The following STK4 variants were observed in gnomAD, a reference collection of about 807,000 sequenced individuals.
STK4 encodes serine/threonine-protein kinase 4.
In STK4, 30 loss-of-function variants were observed where a neutral mutation model predicts 64.9. That is an observed-to-expected ratio of 0.46 (90% CI 0.35 to 0.63). STK4 has a LOEUF of 0.63. Among genes scored for constraint, STK4 ranks in the 20% least tolerant of loss-of-function variants. STK4 has a pLI of 0.01. For synonymous variants in STK4, 177 were observed against 199.0 expected, an observed-to-expected ratio of 0.89 and a Z score of 0.93; for missense variants, 466 against 598.5, an observed-to-expected ratio of 0.78 and a Z score of 2.31.
intron 9 of STK4, 84 bp downstream of exon 9, chr20:45,001,437 T>C: frequency 8.2e-6 from 12 of 1,458,486 alleles, no homozygotes; most frequent in Non-Finnish European, 1.1e-5. Flanking sequence ...TCATGCAGGC[T>C]TAGCCTTGGG....
At chr20:45,055,407 A>G (rs145321948) in intron 10 of STK4, among the ~76,000 whole-genome samples, 39 of 152,206 alleles carry the variant, frequency 2.6e-4, no homozygotes, top group Non-Finnish European at 5.0e-4. Flanking sequence ...TTAAAAATTT[A>G]TTGGCATCAA....
chr20:44,993,128 C>A (rs1386873132), intron 5 of STK4, among the ~76,000 whole-genome samples: 3 of 151,330 alleles, frequency 2.0e-5, no homozygotes, highest in Non-Finnish European at 4.4e-5. Flanking sequence ...ACTAGATTCC[C>A]AGTGCTTTTT....
chr20:44,979,168 T>C (rs1568684516), intron 3 of STK4, among the ~76,000 whole-genome samples: 1 of 152,098 alleles, frequency 6.6e-6, no homozygotes, highest in Non-Finnish European at 1.5e-5. Context: ...GGTGCTTGCT[T>C]TTTTTTGTGT....
chr20:45,035,184 T>TAA (rs976278657), intron 10 of STK4, among the ~76,000 whole-genome samples: 1 of 151,936 alleles, frequency 6.6e-6, no homozygotes. Flanking sequence ...GCTGCATAGA[T>TAA]AAAAAAAGAC....
At chr20:45,050,556 C>T (rs770360919) in intron 10 of STK4, among the ~76,000 whole-genome samples, 20 of 152,040 alleles carry the variant, frequency 1.3e-4, no homozygotes, top group Non-Finnish European at 2.2e-4. Flanking sequence ...ATTTCCCTAT[C>T]GTTTTTGGTA....
At chr20:44,987,064 A>AT in intron 4 of STK4, 68 bp from the exon 5 acceptor site, 7 of 1,357,426 alleles carry the variant, frequency 5.2e-6, no homozygotes, top group South Asian at 4.2e-5. Flanking sequence ...TTTGGATCTG[A>AT]TTTTTTCTCC....
At chr20:44,982,326 T>C (rs6031905) in intron 4 of STK4, among the ~76,000 whole-genome samples, 3 of 150,418 alleles carry the variant, frequency 2.0e-5, no homozygotes, top group African/African-American at 7.4e-5. Context: ...GTGGAGATGG[T>C]GTCTCACTGT....
intron 10 of STK4, among the ~76,000 whole-genome samples, chr20:45,026,128 G>GTT (rs33913833): frequency 1.4e-3 from 183 of 128,956 alleles, no homozygotes; most frequent in African/African-American, 2.5e-3. Flanking sequence ...TTATCCAGTG[G>GTT]TTTTTTTTTT....
At chr20:44,993,329 C>T (rs1389174685) in intron 5 of STK4, among the ~76,000 whole-genome samples, 1 of 151,900 alleles carries the variant, frequency 6.6e-6, no homozygotes, top group Non-Finnish European at 1.5e-5. Flanking sequence ...TGCTATTGTA[C>T]TAATATAACT....
rs971258385 is a variant in STK4, at chr20:45,025,045, A to G, written c.1220A>G (p.Gln407Arg). The change falls in exon 10 of 11, where the codon CAG becomes CGG. Residue 407 changes from glutamine (Q) to arginine (R), a missense_variant. Physicochemically the swap from Gln to Arg is conservative, Grantham distance 43. This residue lies in a region of STK4 where 276 missense variants were observed against 308.9 expected (regional missense o/e 0.89). Transcript: ENST00000372806. ...TTTGAACAAAAAGAAAAGGAAAACC[A>G]GATCAACAGCTTTGGCAAGAGTGTA... ...EYFEQKEKEN[Q>R]INSFGKSVPG... 10 of 1,613,508 alleles carry G rather than the reference A, an allele frequency of 6.2e-6. No homozygotes were observed. Among genetic ancestry groups the G allele is most frequent in the Non-Finnish European group, 8.5e-6 (10 of 1,179,768 alleles).
At chr20:44,988,210 G>T (rs2067565204) in intron 5 of STK4, among the ~76,000 whole-genome samples, 1 of 151,834 alleles carries the variant, frequency 6.6e-6, no homozygotes, top group Non-Finnish European at 1.5e-5. Context: ...ACCCTCTGAT[G>T]GTCTATAAAA....
intron 10 of STK4, chr20:45,053,145 C>T (rs754033538): frequency 2.5e-6 from 4 of 1,612,760 alleles, no homozygotes; most frequent in Non-Finnish European, 3.4e-6. Context: ...GCCAGGGAAA[C>T]CTGCTGTGTA....
At chr20:44,976,231 G>T (rs923691165) in intron 2 of STK4, among the ~76,000 whole-genome samples, 14 of 152,214 alleles carry the variant, frequency 9.2e-5, no homozygotes, top group African/African-American at 3.4e-4. Flanking sequence ...AGATAGAAAT[G>T]AGACTGATCA....
chr20:45,043,937 C>T (rs959752593), intron 10 of STK4, among the ~76,000 whole-genome samples: 1 of 152,114 alleles, frequency 6.6e-6, no homozygotes, highest in Non-Finnish European at 1.5e-5. Flanking sequence ...TTGCCATTGC[C>T]TTCTGTTATA....
intron 10 of STK4, among the ~76,000 whole-genome samples, chr20:45,062,989 CTTTTTTTTTTTTTTT>C (rs71197599): frequency 7.9e-4 from 25 of 31,498 alleles, no homozygotes; most frequent in African/African-American, 2.8e-3. Context: ...CGCACCCGGC[CTTTTTTTTTTTTTTT>C]TTTTTTTTTT....
At chr20:45,043,353 G>A (rs530053361) in intron 10 of STK4, among the ~76,000 whole-genome samples, 1 of 152,338 alleles carries the variant, frequency 6.6e-6, no homozygotes, top group African/African-American at 2.4e-5. Flanking sequence ...TGTACCAAGT[G>A]TACCAAAGTG....
At position 44,984,264 on chromosome 20, in the gene STK4, G is replaced by C. The variant is rs1335029847; in HGVS notation, c.360+2321G>C. On this transcript the variant is annotated intron_variant, in intron 4 of 10. Transcript: ENST00000372806. ...GGCTGGAGTGCAGTGGTGTGAACTC[G>C]GCTCAGTGCAAGCTCCGCCTCCCAG... is the stretch of plus-strand genomic sequence containing the variant. 3.3e-5 allele frequency among the ~76,000 whole-genome samples: 4 copies of C among 120,662 alleles called. No individual in the cohort carries two copies. The East Asian group carries it at 1.1e-3, about 34-fold the overall frequency. The allele number at this position is 120,662 out of a possible 152,430, so 79.2% of individuals were successfully genotyped here.
At chr20:45,039,126 C>T (rs1348188669) in intron 10 of STK4, among the ~76,000 whole-genome samples, 2 of 151,988 alleles carry the variant, frequency 1.3e-5, no homozygotes, top group African/African-American at 2.4e-5. Context: ...AGGTTAGTTG[C>T]AATGTAGAAT....
chr20:45,029,184 T>C (rs1457503192), intron 10 of STK4, among the ~76,000 whole-genome samples: 2 of 152,350 alleles, frequency 1.3e-5, no homozygotes, highest in East Asian at 3.9e-4. Flanking sequence ...ACAGTAGACC[T>C]ACATTATTGG....
Sources: allele counts gnomAD v4.1 joint callset (sites outside exome capture counted in the v4.1 genomes callset), GRCh38; gene constraint gnomAD v4.1.1; regional missense constraint gnomAD v4.1.1; transcripts MANE v1.5; gene names NCBI Gene and HGNC (gene_info 2026-07-23, HGNC 2026-07-21).